IL1RAPL2: variants seen among roughly 807,000 people sequenced by gnomAD.
IL1RAPL2 encodes X-linked interleukin-1 receptor accessory protein-like 2.
IL1RAPL2 carries 3 observed loss-of-function variants against 44.1 expected under a neutral mutation model. The ratio of observed to expected loss-of-function variants is 0.07; its 90% confidence interval spans 0.03 to 0.18. IL1RAPL2 has a LOEUF of 0.18. IL1RAPL2 is among the 10% of genes least tolerant of loss of function. The probability of loss-of-function intolerance (pLI) is 1.00; values close to 1 mark genes in which losing one functional copy is unlikely to be tolerated. For missense variants in IL1RAPL2, 391 were observed against 496.4 expected (o/e 0.79, Z 2.02); for synonymous variants, 181 against 178.8 (o/e 1.01, Z -0.10).
intron 5 of IL1RAPL2, among the ~76,000 whole-genome samples, chrX:105,303,233 A>G (rs904207281): frequency 2.7e-5 from 3 of 111,616 alleles, no homozygotes; most frequent in African/African-American, 9.8e-5. Flanking sequence ...TTCAGAGGAG[A>G]CAATGATTTT....
chrX:104,864,084 C>T (rs1431136056), intron 2 of IL1RAPL2, among the ~76,000 whole-genome samples: 1 of 111,928 alleles, frequency 8.9e-6, no homozygotes, highest in Non-Finnish European at 1.9e-5. Context: ...TGTCATAATA[C>T]AGAGGGCATG....
chrX:105,043,654 G>T (rs1454373794), intron 2 of IL1RAPL2, among the ~76,000 whole-genome samples: 7 of 110,605 alleles, frequency 6.3e-5, no homozygotes, highest in Non-Finnish European at 1.3e-4. Context: ...GAGAGCCATA[G>T]TCAGTATATC....
rs528564478 is a variant in IL1RAPL2 at position 104,640,415 on chromosome X, G to A, written c.-19-18480G>A. Among the ~76,000 whole-genome samples, 4 of 111,368 alleles carry A rather than the reference G, an allele frequency of 3.6e-5. No individual in the cohort carries two copies. The South Asian group carries it at 1.5e-3, about 41-fold the overall frequency. ...TGGTTTTTGGATTTCTTTGTATTGT[G>A]TATCTGAGTTGTATTGTACCTCACT... On this transcript the variant is annotated intron_variant, in intron 1 of 10. Coordinates refer to ENST00000372582, the MANE Select transcript of IL1RAPL2 (RefSeq NM_017416.2).
intron 2 of IL1RAPL2, among the ~76,000 whole-genome samples, chrX:104,957,183 C>T (rs2029917836): frequency 8.9e-6 from 1 of 112,604 alleles, no homozygotes; most frequent in Non-Finnish European, 1.9e-5. Flanking sequence ...AGCTAACAGT[C>T]TAAGCCTGAA....
At chrX:105,308,052 T>C (rs1204870901) in intron 5 of IL1RAPL2, among the ~76,000 whole-genome samples, 1 of 110,767 alleles carries the variant, frequency 9.0e-6, no homozygotes, top group Non-Finnish European at 1.9e-5. Context: ...TCATGGTGAC[T>C]AGGTCTTCTC....
intron 2 of IL1RAPL2, among the ~76,000 whole-genome samples, chrX:105,116,328 A>G (rs1267489240): frequency 1.8e-5 from 2 of 113,061 alleles, no homozygotes; most frequent in African/African-American, 3.2e-5. Context: ...CTTTAAAATT[A>G]AGGTAATAAC....
At chrX:105,288,866 A>G (rs1386338229) in intron 5 of IL1RAPL2, among the ~76,000 whole-genome samples, 2 of 110,676 alleles carry the variant, frequency 1.8e-5, no homozygotes, top group African/African-American at 6.6e-5. Context: ...GAATTCTTAT[A>G]TCCCAACCTT....
chrX:105,027,881 T>C (rs900244509), intron 2 of IL1RAPL2, among the ~76,000 whole-genome samples: 1 of 111,841 alleles, frequency 8.9e-6, no homozygotes, highest in African/African-American at 3.2e-5. Context: ...TGCACACCTG[T>C]GTTTGTTGCA....
intron 5 of IL1RAPL2, among the ~76,000 whole-genome samples, chrX:105,408,661 A>G (rs1482151740): frequency 9.0e-6 from 1 of 111,507 alleles, no homozygotes; most frequent in Non-Finnish European, 1.9e-5. Context: ...GAGATAATCT[A>G]TTTTCATAAT....
intron 6 of IL1RAPL2, among the ~76,000 whole-genome samples, chrX:105,495,955 A>T (rs1297973251): frequency 1.8e-5 from 2 of 111,503 alleles, no homozygotes; most frequent in African/African-American, 6.5e-5. Flanking sequence ...ATTCAGGAAA[A>T]GCTGACCAGC....
At chrX:105,557,813 A>G (rs1265646634) in intron 6 of IL1RAPL2, among the ~76,000 whole-genome samples, 1 of 111,366 alleles carries the variant, frequency 9.0e-6, no homozygotes, top group South Asian at 3.7e-4. Context: ...ATGACAGTAG[A>G]AAAAAAATGT....
intron 1 of IL1RAPL2, among the ~76,000 whole-genome samples, chrX:104,630,250 C>T (rs924732674): frequency 2.1e-4 from 23 of 109,151 alleles, no homozygotes; most frequent in African/African-American, 5.4e-4. Flanking sequence ...TGGGTTCAAG[C>T]GATTCTCCTG....
intron 1 of IL1RAPL2, among the ~76,000 whole-genome samples, chrX:104,656,465 T>G (rs753544501): frequency 3.6e-5 from 4 of 112,216 alleles, no homozygotes; most frequent in African/African-American, 1.3e-4. Context: ...GTTGTTCAGT[T>G]TCCATGTAGT....
chrX:105,556,068 A>G (rs185845168), intron 6 of IL1RAPL2, among the ~76,000 whole-genome samples: 1 of 111,425 alleles, frequency 9.0e-6, no homozygotes, highest in Non-Finnish European at 1.9e-5. Flanking sequence ...TCCTTCTTTA[A>G]TCCAGAGGCA....
intron 1 of IL1RAPL2, among the ~76,000 whole-genome samples, chrX:104,620,076 G>A (rs1275887307): frequency 9.0e-6 from 1 of 111,641 alleles, no homozygotes; most frequent in Non-Finnish European, 1.9e-5. Context: ...TGGCTGAAGA[G>A]TAGGAAACCA....
intron 6 of IL1RAPL2, among the ~76,000 whole-genome samples, chrX:105,640,709 T>C (rs1447966765): frequency 1.0e-5 from 1 of 97,530 alleles, no homozygotes; most frequent in Non-Finnish European, 2.1e-5. Flanking sequence ...CATATACATA[T>C]ATATACACAC....
chrX:104,863,739 G>A (rs1333300754), intron 2 of IL1RAPL2, among the ~76,000 whole-genome samples: 4 of 111,952 alleles, frequency 3.6e-5, no homozygotes, highest in Non-Finnish European at 7.5e-5. Context: ...TGATTTCAAG[G>A]ACTAAGACAT....
chrX:105,382,577 C>G (rs2035441706), intron 5 of IL1RAPL2, among the ~76,000 whole-genome samples: 1 of 103,100 alleles, frequency 9.7e-6, no homozygotes, highest in African/African-American at 3.9e-5. Flanking sequence ...CCTCAGGGAT[C>G]TAGAACTAGA....
intron 2 of IL1RAPL2, among the ~76,000 whole-genome samples, chrX:104,964,137 T>C (rs1345953376): frequency 5.4e-5 from 6 of 110,716 alleles, no homozygotes; most frequent in South Asian, 7.6e-4. Flanking sequence ...TCCATTTATA[T>C]TCATTTATTT....
Sources: gnomAD v4.1 joint callset for allele counts (sites outside exome capture counted in the v4.1 genomes callset) on GRCh38, gnomAD v4.1.1 for gene constraint, MANE v1.5 for transcripts, NCBI Gene and HGNC (gene_info 2026-07-23, HGNC 2026-07-21) for gene names.